Variants in RBFOX2 observed in about 807,000 individuals in gnomAD.
RBFOX2 encodes the protein RNA binding protein fox-1 homolog 2.
Under a neutral mutation model 49.1 loss-of-function variants are expected in RBFOX2, and 10 were observed. The observed-to-expected ratio is 0.20, with a 90% confidence interval of 0.13 to 0.35. The LOEUF (loss-of-function observed/expected upper bound fraction) is 0.35, where lower values mean the gene tolerates loss of function less well. Ranked by LOEUF, RBFOX2 falls within the 10% of genes least tolerant of loss-of-function variation. RBFOX2 has a pLI of 1.00. For missense variants in RBFOX2, 323 were observed against 486.9 expected, an observed-to-expected ratio of 0.66 and a Z score of 3.17; for synonymous variants, 183 against 187.4, an observed-to-expected ratio of 0.98 and a Z score of 0.19.
At chr22:35,799,679 G>A (rs1949416186) in intron 2 of RBFOX2, among the ~76,000 whole-genome samples, 1 of 152,176 alleles carries the variant, frequency 6.6e-6, no homozygotes, top group African/African-American at 2.4e-5. Flanking sequence ...TGGATGTGGT[G>A]GCTCACTTCT....
chr22:35,929,661 G>T (rs945572112), intron 1 of RBFOX2, among the ~76,000 whole-genome samples: 24 of 150,994 alleles, frequency 1.6e-4, no homozygotes, highest in Admixed American at 8.6e-4. Flanking sequence ...CATTTTTTTT[G>T]TTTTTTTTGA....
intron 1 of RBFOX2, among the ~76,000 whole-genome samples, chr22:35,880,474 T>TAG (rs1228370262): frequency 5.3e-5 from 8 of 152,144 alleles, no homozygotes; most frequent in African/African-American, 1.9e-4. Context: ...GAGAGAGTTC[T>TAG]AGCTAGAGGT....
At chr22:35,861,897 T>C (rs1264061763) in intron 1 of RBFOX2, among the ~76,000 whole-genome samples, 1 of 152,162 alleles carries the variant, frequency 6.6e-6, no homozygotes. Flanking sequence ...TAAGTAATAG[T>C]GATAAACAAA....
At chr22:35,898,425 T>TG in intron 1 of RBFOX2, 1 of 446,804 alleles carries the variant, frequency 2.2e-6, no homozygotes, top group South Asian at 2.3e-5. Context: ...AATCCTTTTT[T>TG]TTTTTTTTTT....
intron 9 of RBFOX2, among the ~76,000 whole-genome samples, chr22:35,753,326 T>C (rs1935652340): frequency 6.6e-6 from 1 of 152,166 alleles, no homozygotes; most frequent in Non-Finnish European, 1.5e-5. Context: ...GAAGTATCCT[T>C]TGCTCCCTCA....
upstream of RBFOX2, among the ~76,000 whole-genome samples, chr22:35,963,170 CAA>C (rs1327818800): frequency 6.7e-6 from 1 of 149,278 alleles, no homozygotes; most frequent in African/African-American, 2.5e-5. Context: ...TTAGAGAAGT[CAA>C]AAGAGTCAAG....
intron 1 of RBFOX2, among the ~76,000 whole-genome samples, chr22:35,893,629 CAA>C (rs774603816): frequency 3.3e-5 from 5 of 151,786 alleles, no homozygotes; most frequent in Non-Finnish European, 4.4e-5. Context: ...ACAAATACTA[CAA>C]AAAAAATCAA....
At chr22:35,816,878 C>T (rs1188755014) in intron 1 of RBFOX2, among the ~76,000 whole-genome samples, 2 of 152,184 alleles carry the variant, frequency 1.3e-5, no homozygotes, top group African/African-American at 4.8e-5. Context: ...CTCACACCTA[C>T]CAACTCATCT....
intron 1 of RBFOX2, among the ~76,000 whole-genome samples, chr22:35,981,324 C>T (rs2057447091): frequency 6.6e-6 from 1 of 152,092 alleles, no homozygotes; most frequent in Non-Finnish European, 1.5e-5. Context: ...AGATACTCAG[C>T]CCTTGGTATT....
chr22:35,933,926 T>TTATATATATA lies in RBFOX2; in HGVS notation c.-34+4911_-34+4920dup, dbSNP rs3075245. ...GTTCTTATAATTATATAATTAAATG[T>TTATATATATA]TATATATATATATATATATATATAT... On this transcript the variant is annotated intron_variant, in intron 1 of 13. Transcript: ENST00000359369. Among the ~76,000 whole-genome samples the TTATATATATA allele has an allele frequency of 7.8e-3, 915 of 117,892 alleles. 4 individuals carry two copies. The highest frequency in any genetic ancestry group is 0.012 in the Non-Finnish European group (701 of 59,796). 77.3% of individuals were successfully genotyped at this position (117,892 alleles called of 152,430 possible).
intron 1 of RBFOX2, among the ~76,000 whole-genome samples, chr22:36,006,393 A>G (rs1603465313): frequency 6.6e-6 from 1 of 152,258 alleles, no homozygotes; most frequent in African/African-American, 2.4e-5. Flanking sequence ...GAAAAAGAAA[A>G]TAAGATAGTC....
intron 1 of RBFOX2, among the ~76,000 whole-genome samples, chr22:35,850,819 C>G (rs184525197): frequency 1.3e-5 from 2 of 152,250 alleles, no homozygotes; most frequent in African/African-American, 4.8e-5. Flanking sequence ...AAAAAGGACA[C>G]AGAGTGAGCA....
intron 1 of RBFOX2, among the ~76,000 whole-genome samples, chr22:36,010,773 ACACAC>A (rs3220089): frequency 2.7e-5 from 4 of 146,628 alleles, no homozygotes; most frequent in Middle Eastern, 3.4e-3. Context: ...ACACACACAC[ACACAC>A]GTGTGTTTAT....
intron 1 of RBFOX2, among the ~76,000 whole-genome samples, chr22:35,971,737 T>TC (rs750905403): frequency 2.2e-4 from 34 of 151,994 alleles, no homozygotes; most frequent in Non-Finnish European, 4.1e-4. Flanking sequence ...GCTCCAGCAG[T>TC]AAGGGCTGTT....
intron 1 of RBFOX2, among the ~76,000 whole-genome samples, chr22:35,990,259 T>C (rs1396295936): frequency 6.6e-6 from 1 of 152,028 alleles, no homozygotes; most frequent in African/African-American, 2.4e-5. Context: ...GGTTGGATAT[T>C]AGGAAGGCAG....
rs2043287985 is a variant in RBFOX2 at position 35,863,153 on chromosome 22, A to G, written c.-33-53149T>C. Among the ~76,000 whole-genome samples, 4 of 151,994 alleles carry G rather than the reference A, an allele frequency of 2.6e-5. No homozygotes were observed. The South Asian group carries it at 8.3e-4, about 32-fold the overall frequency. Reference sequence around the variant, plus strand: ...GGCATTTACGTTATTTTTGTAACATATTGTTGTTATTTTGTAAATATTTGT... The same window carrying G: ...GGCATTTACGTTATTTTTGTAACATGTTGTTGTTATTTTGTAAATATTTGT... On this transcript the variant is annotated intron_variant, in intron 1 of 13. Coordinates refer to the RBFOX2 transcript ENST00000359369.
intron 11 of RBFOX2, 80 bp downstream of exon 13, chr22:35,745,843 C>A (rs1275980149): frequency 7.2e-7 from 1 of 1,396,216 alleles, no homozygotes; most frequent in Non-Finnish European, 1.0e-6. Flanking sequence ...GAATTTACTA[C>A]CTCCCTAGAT....
At position 35,984,044 on chromosome 22, in the gene RBFOX2, ATCT is replaced by A. The variant is rs553000504; in HGVS notation, c.186+44193_186+44195del. Among the ~76,000 whole-genome samples, 7 of 152,090 alleles carry A rather than the reference ATCT, an allele frequency of 4.6e-5. No individual in the cohort carries two copies. In the East Asian group the frequency reaches 1.4e-3, roughly 29 times the overall value. Reference sequence around the variant, plus strand: ...TTTAATAATTCTCTTCAATTACCTAATCTTCTTAATGACTGACCTCTTGGGGAT... The same window carrying A: ...TTTAATAATTCTCTTCAATTACCTAATCTTAATGACTGACCTCTTGGGGAT... On this transcript the variant is annotated intron_variant, in intron 1 of 13. Transcript: ENST00000438146.
At chr22:35,860,470 G>T (rs1408194925) in intron 1 of RBFOX2, among the ~76,000 whole-genome samples, 1 of 152,160 alleles carries the variant, frequency 6.6e-6, no homozygotes, top group Non-Finnish European at 1.5e-5. Flanking sequence ...GCAAATAAAT[G>T]ATTAACACTT....
Sources: gnomAD v4.1 joint callset for allele counts (sites outside exome capture counted in the v4.1 genomes callset) on GRCh38, gnomAD v4.1.1 for gene constraint, MANE v1.5 for transcripts, NCBI Gene and HGNC (gene_info 2026-07-23, HGNC 2026-07-21) for gene names.